Variants in B4GALNT3 observed in about 807,000 individuals in gnomAD.
B4GALNT3 encodes beta-1,4-N-acetyl-galactosaminyltransferase 3.
Under a neutral mutation model 120.2 loss-of-function variants are expected in B4GALNT3, and 86 were observed. The observed-to-expected ratio is 0.72, with a 90% CI of 0.60 to 0.86. The LOEUF is 0.86. B4GALNT3 is among the 40% of genes least tolerant of loss of function. The probability of loss-of-function intolerance (pLI) is 0.00; values close to 1 mark genes in which losing one functional copy is unlikely to be tolerated. For synonymous variants in B4GALNT3, 518 were observed against 510.4 expected (o/e 1.01, Z -0.20); for missense variants, 1,167 against 1,298.9 (o/e 0.90, Z 1.56).
chr12:525,388 C>A (rs1466289946), intron 1 of B4GALNT3, among the ~76,000 whole-genome samples: 1 of 152,188 alleles, frequency 6.6e-6, no homozygotes, highest in Non-Finnish European at 1.5e-5. Context: ...GGATGACAGG[C>A]GTGAGCCACT....
chr12:465,448 C>CCATA (rs1458102939), intron 1 of B4GALNT3, among the ~76,000 whole-genome samples: 3 of 151,866 alleles, frequency 2.0e-5, no homozygotes, highest in African/African-American at 7.3e-5. Flanking sequence ...GTTCCCTGTA[C>CCATA]CATAATACAT....
intron 11 of B4GALNT3, among the ~76,000 whole-genome samples, chr12:551,765 T>C (rs956146368): frequency 1.2e-4 from 18 of 151,710 alleles, no homozygotes; most frequent in Non-Finnish European, 2.7e-4. Flanking sequence ...GAAGGAGTGG[T>C]TTTGGCTGAA....
chr12:546,787 A>C, intron 7 of B4GALNT3, 74 bp downstream of exon 7: 1 of 1,425,970 alleles, frequency 7.0e-7, no homozygotes, highest in Non-Finnish European at 9.7e-7. Context: ...CCTGTCCGCC[A>C]GCCCAGCTGC....
At chr12:480,184 A>G (rs371350266) in intron 1 of B4GALNT3, among the ~76,000 whole-genome samples, 12 of 148,650 alleles carry the variant, frequency 8.1e-5, no homozygotes, top group African/African-American at 2.5e-4. Context: ...CAAAGTGCTG[A>G]GATTACAGGC....
At chr12:549,722 C>T (rs372833130) in intron 9 of B4GALNT3, 47 bp from the exon 10 acceptor site, 19 of 1,610,710 alleles carry the variant, frequency 1.2e-5, no homozygotes, top group African/African-American at 8.0e-5. Context: ...TGGGCTGCTG[C>T]GCTCCAGGCC....
chr12:468,116 C>T (rs776370254), intron 1 of B4GALNT3, among the ~76,000 whole-genome samples: 1 of 152,150 alleles, frequency 6.6e-6, no homozygotes, highest in Admixed American at 6.5e-5. Context: ...TTGTAAACTA[C>T]TTTAGTTTTT....
chr12:535,243 T>A lies in B4GALNT3; in HGVS notation c.247T>A (p.Tyr83Asn), dbSNP rs1946846550. 6.2e-7 allele frequency: 1 copy of A among 1,614,002 alleles called. No individual in the cohort carries two copies. The highest frequency in any genetic ancestry group is 8.5e-7 in the Non-Finnish European group (1 of 1,179,986). The change falls in exon 2 of 20, where the codon TAC becomes AAC. Residue 83 changes from tyrosine to asparagine, a missense_variant. Coordinates refer to ENST00000266383, the MANE Select transcript of B4GALNT3 (RefSeq NM_173593.4). ...AGCTGTGGATCCACACCTCCAGTTC[T>A]ACCATCCCCAGAGGCTGAGCCTCGA... ...IPAVDPHLQF[Y>N]HPQRLSLEDH...
chr12:552,626 GA>G, intron 13 of B4GALNT3, 98 bp downstream of exon 13: 1 of 1,207,230 alleles, frequency 8.3e-7, no homozygotes, highest in South Asian at 1.4e-5. Flanking sequence ...CGCCCCTGAG[GA>G]GCTCAAGATC....
chr12:549,668 G>T, intron 9 of B4GALNT3, 101 bp from the exon 10 acceptor site: 1 of 1,472,892 alleles, frequency 6.8e-7, no homozygotes, highest in Non-Finnish European at 9.4e-7. Flanking sequence ...CGCCGCTGGA[G>T]TCAGGAGCCC....
At chr12:536,088 A>G (rs927519144) in intron 2 of B4GALNT3, 130 bp from the exon 3 acceptor site, 1 of 695,906 alleles carries the variant, frequency 1.4e-6, no homozygotes, top group Non-Finnish European at 2.6e-6. Context: ...TTCCCAGGAC[A>G]TGGTGTGAAT....
chr12:544,294 A>T, intron 3 of B4GALNT3, 45 bp from the exon 4 acceptor site: 1 of 1,582,506 alleles, frequency 6.3e-7, no homozygotes, highest in Non-Finnish European at 8.7e-7. Flanking sequence ...TGGGGCGGGC[A>T]TGGGGTGCTC....
chr12:545,836 T>TGA (rs754715973), intron 6 of B4GALNT3, among the ~76,000 whole-genome samples: 1 of 13,650 alleles, frequency 7.3e-5, no homozygotes, highest in Non-Finnish European at 1.3e-4. Flanking sequence ...AGTGGGGAGG[T>TGA]GAGGAGTGGG....
chr12:511,431 T>TCCGC (rs1349659096), intron 1 of B4GALNT3, among the ~76,000 whole-genome samples: 7 of 48,532 alleles, frequency 1.4e-4, no homozygotes, highest in Non-Finnish European at 1.8e-4. Context: ...CCTTCCACCT[T>TCCGC]CTTCCACCTT....
Position 546,650 on chromosome 12 carries a change from G to T in B4GALNT3, c.644G>T (p.Gly215Val), listed in dbSNP as rs778059394. 9.7e-6 allele frequency: 15 copies of T among 1,551,302 alleles called. No individual in the cohort carries two copies. The highest frequency in any genetic ancestry group is 1.7e-6 in the Non-Finnish European group (2 of 1,146,798). The change falls in exon 7 of 20, where the codon GGA becomes GTA. Residue 215 changes from glycine (G) to valine (V), a missense_variant. By Grantham distance (109) the Gly-to-Val change is moderately radical (BLOSUM62 -3). This residue lies in a region of B4GALNT3 where 983 missense variants were observed against 1,102.5 expected (regional missense o/e 0.89). Coordinates refer to ENST00000266383, the MANE Select transcript of B4GALNT3 (RefSeq NM_173593.4). ...LQLLASVGKT[G>V]KEWTAPGEFG... Reference sequence around the variant, plus strand: ...TTCTCTCTTCCACACCTCTAGACTGGAAAGGAGTGGACCGCCCCGGGAGAG... The same window carrying T: ...TTCTCTCTTCCACACCTCTAGACTGTAAAGGAGTGGACCGCCCCGGGAGAG...
In B4GALNT3 at chr12:556,575, G is replaced by C. The variant is rs377572361; in HGVS notation, c.2089G>C (p.Val697Leu). The C allele has an allele frequency of 6.2e-7, 1 of 1,613,802 alleles. No individual in the cohort carries two copies. Among genetic ancestry groups the C allele is most frequent in the Non-Finnish European group, 8.5e-7 (1 of 1,179,844 alleles). Reference protein sequence around the residue: ...GRYQLQRIVNVEKRQDQLRGG... With the variant: ...GRYQLQRIVNLEKRQDQLRGG... ...GTACCAGCTACAGCGCATTGTGAAC[G>C]TGGAAAAGCGTCAGGACCAGCTACG... The change falls in exon 15 of 20, where the codon GTG becomes CTG. Residue 697 changes from valine (V) to leucine (L), a missense_variant. This residue lies in a region of B4GALNT3 where 983 missense variants were observed against 1,102.5 expected (regional missense o/e 0.89). Coordinates refer to ENST00000266383, the MANE Select transcript of B4GALNT3 (RefSeq NM_173593.4).
intron 1 of B4GALNT3, among the ~76,000 whole-genome samples, chr12:511,700 ACCTTCCTTCCACCTTCCGCCTTCCACCTT>A (rs1946566762): frequency 2.6e-5 from 1 of 38,534 alleles, no homozygotes; most frequent in Admixed American, 2.4e-4. Flanking sequence ...TCTGTCTTCC[ACCTTCCTTCCACCTTCCGCCTTCCACCTT>A]CCTTCCACCT....
rs1009544293 is a variant in B4GALNT3 at position 548,387 on chromosome 12, G to T, written c.853+90G>T. The T allele has an allele frequency of 1.3e-5, 16 of 1,271,024 alleles. No individual in the cohort carries two copies. The Middle Eastern group carries it at 7.4e-4, about 59-fold the overall frequency. 78.7% of individuals were successfully genotyped at this position (1,271,024 alleles called of 1,614,324 possible). A position where few individuals can be genotyped will look rare whatever the true frequency, so the allele number is the denominator to read the frequency against. ...TTGGCAGGGGAGGAGGGGAGGAGGG[G>T]AGGAAGGAAGCTCGAGATGCTTGGG... On this transcript the variant is annotated intron_variant, in intron 9 of 19. Coordinates refer to ENST00000266383, the MANE Select transcript of B4GALNT3 (RefSeq NM_173593.4). The surrounding 1 kb of genome is among the most constrained non-coding windows in gnomAD (Gnocchi z 4.9).
At chr12:480,073 C>G (rs191705552) in intron 1 of B4GALNT3, among the ~76,000 whole-genome samples, 1 of 151,990 alleles carries the variant, frequency 6.6e-6, no homozygotes, top group African/African-American at 2.4e-5. Flanking sequence ...GCCACCACCC[C>G]CTGGATAATT....
At chr12:559,733 A>G (rs1256183823) in intron 19 of B4GALNT3, among the ~76,000 whole-genome samples, 1 of 152,100 alleles carries the variant, frequency 6.6e-6, no homozygotes. Context: ...CAAGCAGGGC[A>G]CCGTGGGAGA....
Sources: allele counts gnomAD v4.1 joint callset (sites outside exome capture counted in the v4.1 genomes callset), GRCh38; gene constraint gnomAD v4.1.1; regional missense constraint gnomAD v4.1.1; non-coding constraint Gnocchi (gnomAD v3.1); transcripts MANE v1.5; gene names NCBI Gene and HGNC (gene_info 2026-07-23, HGNC 2026-07-21).